Variants in ATG7 observed in about 807,000 individuals in gnomAD.
ATG7 encodes ubiquitin-like modifier-activating enzyme ATG7.
Under a neutral mutation model 82.4 loss-of-function variants are expected in ATG7, and 70 were observed. The observed-to-expected ratio is 0.85, with a 90% CI of 0.70 to 1.04. The LOEUF is 1.04. ATG7 is among the 50% of genes least tolerant of loss of function. The probability of loss-of-function intolerance (pLI) is 0.00; values close to 1 mark genes in which losing one functional copy is unlikely to be tolerated. For missense variants in ATG7, 792 were observed against 864.3 expected (o/e 0.92, Z 1.05); for synonymous variants, 287 against 313.0 (o/e 0.92, Z 0.88).
chr3:11,313,106 A>G (rs746735258), intron 7 of ATG7, among the ~76,000 whole-genome samples, 198 bp from the exon 8 acceptor site: 4 of 152,222 alleles, frequency 2.6e-5, no homozygotes, highest in Non-Finnish European at 5.9e-5. Flanking sequence ...GTGGTGGTAT[A>G]TGAGACTATT....
chr3:11,425,253 C>T (rs773698574), intron 19 of ATG7, among the ~76,000 whole-genome samples: 6 of 152,212 alleles, frequency 3.9e-5, no homozygotes, highest in Non-Finnish European at 5.9e-5. Context: ...CATGAGCCAT[C>T]GTGCCTGGCC....
intron 20 of ATG7, among the ~76,000 whole-genome samples, chr3:11,517,283 G>A (rs978477940): frequency 4.0e-5 from 6 of 151,740 alleles, no homozygotes; most frequent in Non-Finnish European, 7.4e-5. Flanking sequence ...GGAGGTTGCA[G>A]TGAGTCGAGA....
At chr3:11,287,173 A>G (rs1009033956) in intron 3 of ATG7, among the ~76,000 whole-genome samples, 14 of 152,222 alleles carry the variant, frequency 9.2e-5, no homozygotes, top group Non-Finnish European at 1.9e-4. Flanking sequence ...AGAGTTTACA[A>G]TCAAGTTTGG....
chr3:11,561,306 C>T (rs2072976666), downstream of ATG7, among the ~76,000 whole-genome samples: 1 of 152,124 alleles, frequency 6.6e-6, no homozygotes, highest in Non-Finnish European at 1.5e-5. Flanking sequence ...TCAGTCTATC[C>T]AAGGCAGGAA....
chr3:11,307,210 G>T (rs1575327850), intron 6 of ATG7, 150 bp downstream of exon 6: 2 of 759,028 alleles, frequency 2.6e-6, no homozygotes, highest in East Asian at 5.0e-5. Flanking sequence ...TCTCCAGAGA[G>T]AATACTCCCA....
chr3:11,477,788 C>T (rs544553360), intron 20 of ATG7, among the ~76,000 whole-genome samples: 1 of 152,316 alleles, frequency 6.6e-6, no homozygotes, highest in Non-Finnish European at 1.5e-5. Context: ...ATCAGTACAG[C>T]CTAGACGCAT....
intron 18 of ATG7, among the ~76,000 whole-genome samples, chr3:11,376,266 C>T (rs1163704221): frequency 1.3e-5 from 2 of 152,178 alleles, no homozygotes; most frequent in African/African-American, 4.8e-5. Flanking sequence ...ATGATGGTTG[C>T]AAAACTGTTC....
intron 11 of ATG7, among the ~76,000 whole-genome samples, chr3:11,334,792 T>C (rs1952161551): frequency 6.6e-6 from 1 of 151,398 alleles, no homozygotes; most frequent in Non-Finnish European, 1.5e-5. Flanking sequence ...ACCCCGTCTC[T>C]ACTAAAAATA....
chr3:11,573,364 A>G, the ATG7 span, among the ~76,000 whole-genome samples: 18,634 of 116,148 alleles, frequency 0.16, 2,233 homozygotes, highest in Non-Finnish European at 0.26. Flanking sequence ...AGAAAGAAAG[A>G]AAGAAAGAAA....
intron 20 of ATG7, among the ~76,000 whole-genome samples, chr3:11,478,723 AC>A (rs2088555719): frequency 6.6e-6 from 1 of 151,798 alleles, no homozygotes; most frequent in South Asian, 2.1e-4. Context: ...AAACACCCCC[AC>A]CCCCAAACAT....
chr3:11,507,655 G>T (rs1362790107), intron 20 of ATG7, among the ~76,000 whole-genome samples: 3 of 151,982 alleles, frequency 2.0e-5, no homozygotes, highest in Admixed American at 6.6e-5. Flanking sequence ...TTTTGTTTTT[G>T]TTTGTCCTTC....
At chr3:11,351,173 G>T (rs560428123) in intron 14 of ATG7, among the ~76,000 whole-genome samples, 1 of 152,090 alleles carries the variant, frequency 6.6e-6, no homozygotes, top group Non-Finnish European at 1.5e-5. Context: ...AAGACCTCCC[G>T]TGTTCCAGGG....
chr3:11,522,003 A>G lies in ATG7; in HGVS notation c.2080-32808A>G, dbSNP rs191135457. ...TCCTCACTGCAGTCCTGACGTAGCT[A>G]CCATTGTTATCTGCATTTTGTAGAA... is the stretch of plus-strand genomic sequence containing the variant. On this transcript the variant is annotated intron_variant, in intron 20 of 20. Coordinates refer to ENST00000693202, the MANE Select transcript of ATG7 (RefSeq NM_001349232.2). 1.7e-4 allele frequency among the ~76,000 whole-genome samples: 26 copies of G among 152,282 alleles called. No homozygotes were observed. In the East Asian group the frequency reaches 4.6e-3, roughly 27 times the overall value.
At position 11,336,538 on chromosome 3, in the gene ATG7, C is replaced by T. The variant is rs376536808; in HGVS notation, c.889+3445C>T. On this transcript the variant is annotated intron_variant, in intron 11 of 20. Transcript: ENST00000693202. ...TGTAAATAAAACTTTATGGTAAATA[C>T]AACTTCATAAAGAATTTTTCTATAT... is the stretch of plus-strand genomic sequence containing the variant. 5.0e-4 allele frequency among the ~76,000 whole-genome samples: 76 copies of T among 152,184 alleles called. 1 individual carries two copies. The highest frequency in any genetic ancestry group is 1.4e-3 in the African/African-American group (60 of 41,522).
chr3:11,327,405 T>C (rs1183846103), intron 9 of ATG7, among the ~76,000 whole-genome samples: 1 of 152,266 alleles, frequency 6.6e-6, no homozygotes, highest in Non-Finnish European at 1.5e-5. Flanking sequence ...AAGATGATAG[T>C]GTACATAAGA....
intron 20 of ATG7, among the ~76,000 whole-genome samples, chr3:11,540,492 T>C (rs2070724519): frequency 1.8e-5 from 1 of 57,012 alleles, no homozygotes; most frequent in South Asian, 6.8e-4. Flanking sequence ...TAAAAATAAA[T>C]TCACTGGGCA....
intron 19 of ATG7, among the ~76,000 whole-genome samples, chr3:11,389,143 A>G (rs1174684809): frequency 6.6e-6 from 1 of 150,406 alleles, no homozygotes; most frequent in Non-Finnish European, 1.5e-5. Context: ...CTGAGGCAGA[A>G]GAATCTTTGA....
chr3:11,550,326 C>G (rs1211964333), intron 20 of ATG7, among the ~76,000 whole-genome samples: 2 of 151,560 alleles, frequency 1.3e-5, no homozygotes, highest in African/African-American at 4.9e-5. Context: ...GGGCCATTTG[C>G]TTATTTTTTC....
At chr3:11,558,751 C>A (rs752590399), downstream of ATG7, 25 of 1,614,060 alleles carry the variant, frequency 1.5e-5, no homozygotes, top group African/African-American at 2.7e-5. Context: ...AGTTGGGTGC[C>A]GGCTCGGGCT....
Sources: allele counts gnomAD v4.1 joint callset (sites outside exome capture counted in the v4.1 genomes callset), GRCh38; gene constraint gnomAD v4.1.1; transcripts MANE v1.5; gene names NCBI Gene and HGNC (gene_info 2026-07-23, HGNC 2026-07-21).